The following ANO5 variants were observed in gnomAD, a reference collection of about 807,000 sequenced individuals.
ANO5 encodes the protein anoctamin-5.
Under a neutral mutation model 121.0 loss-of-function variants are expected in ANO5, and 109 were observed. The ratio of observed to expected loss-of-function variants is 0.90; its 90% CI spans 0.77 to 1.06. The LOEUF (loss-of-function observed/expected upper bound fraction) is 1.06, where lower values mean the gene tolerates loss of function less well. Among genes scored for constraint, ANO5 ranks in the 50% least tolerant of loss-of-function variants. The pLI, the probability that ANO5 is intolerant of heterozygous loss-of-function variation, is 0.00. For synonymous variants in ANO5, 406 were observed against 359.9 expected, an observed-to-expected ratio of 1.13 and a Z score of -1.45; for missense variants, 1,064 against 1,078.5, an observed-to-expected ratio of 0.99 and a Z score of 0.19.
chr11:22,214,605 A>G (rs2133564385), intron 3 of ANO5, among the ~76,000 whole-genome samples: 1 of 152,108 alleles, frequency 6.6e-6, no homozygotes, highest in South Asian at 2.1e-4. Flanking sequence ...GGAAGAACTC[A>G]TATACTATAG....
intron 3 of ANO5, 69 bp from the exon 4 acceptor site, chr11:22,218,177 G>T: frequency 6.4e-7 from 1 of 1,557,660 alleles, no homozygotes; most frequent in Non-Finnish European, 8.8e-7. Flanking sequence ...GTTTGTCTTT[G>T]TCTTTTTTTT....
At position 22,236,248 on chromosome 11, in the gene ANO5, C is replaced by G. The variant is rs764840472; in HGVS notation, c.734C>G (p.Thr245Ser). 9 of 1,612,936 alleles carry G rather than the reference C, an allele frequency of 5.6e-6. No homozygotes were observed. The South Asian group carries it at 9.9e-5, about 18-fold the overall frequency. ...ATTGAAAGACTGCTAAACTCTAACACTTACTCATCTGCCTATCCACTCCAT... is the reference window on the plus strand; with the variant it reads ...ATTGAAAGACTGCTAAACTCTAACAGTTACTCATCTGCCTATCCACTCCAT... ...FGIERLLNSN[T>S]YSSAYPLHDG... The change falls in exon 8 of 22, where the codon ACT becomes AGT. Residue 245 changes from threonine (T) to serine (S), a missense_variant. Transcript: ENST00000324559.
rs187609417 is a variant in ANO5, at chr11:22,241,716, T to G, written c.878+2032T>G. ...TTGAGAAGTGTCTCTTCATGTCCTTTGCCAATTATTTATTGGGGTTATTTG... is the reference window on the plus strand; with the variant it reads ...TTGAGAAGTGTCTCTTCATGTCCTTGGCCAATTATTTATTGGGGTTATTTG... On this transcript the variant is annotated intron_variant, in intron 9 of 21. Coordinates refer to ENST00000324559, the MANE Select transcript of ANO5 (RefSeq NM_213599.3). 1.9e-3 allele frequency among the ~76,000 whole-genome samples: 290 copies of G among 152,190 alleles called. 4 individuals are homozygous for G. The highest frequency in any genetic ancestry group is 0.016 in the Admixed American group (246 of 15,256).
intron 5 of ANO5, among the ~76,000 whole-genome samples, chr11:22,224,043 G>A (rs1852745437): frequency 6.6e-6 from 1 of 151,688 alleles, no homozygotes. Context: ...CTTTTCTATT[G>A]TGTATGTTCT....
rs1305057394 is a variant in ANO5 at position 22,280,825 on chromosome 11, A to G, written c.*1060A>G. 1 of 151,986 alleles carries G rather than the reference A, an allele frequency of 6.6e-6. No individual in the cohort carries two copies. The highest frequency in any genetic ancestry group is 1.5e-5 in the Non-Finnish European group (1 of 67,876). 9.4% of individuals were successfully genotyped at this position (151,986 alleles called of 1,614,324 possible). A position where few individuals can be genotyped will look rare whatever the true frequency, so the allele number is the denominator to read the frequency against. On this transcript the variant is annotated 3_prime_UTR_variant, in exon 22 of 22. Transcript: ENST00000324559. ...CTTGTTCCAATACCTCTGACACACA[A>G]GAAGTCATGTTGTTAGCTAGTGATT...
intron 14 of ANO5, 69 bp from the exon 15 acceptor site, chr11:22,259,448 AAT>A (rs1854113891): frequency 7.1e-7 from 1 of 1,409,074 alleles, no homozygotes; most frequent in South Asian, 1.2e-5. Flanking sequence ...CAGAATAATC[AAT>A]ATGTTAGATA....
intron 9 of ANO5, among the ~76,000 whole-genome samples, chr11:22,244,474 C>A (rs545815814): frequency 6.6e-6 from 1 of 152,008 alleles, no homozygotes. Context: ...AGACTATATC[C>A]TCAAGCACTT....
Position 22,274,751 on chromosome 11 carries a change from A to ATTTG in ANO5, c.2414+20_2414+23dup, listed in dbSNP as rs745502810. The ATTTG allele has an allele frequency of 1.2e-5, 20 of 1,612,674 alleles. No homozygotes were observed. Among genetic ancestry groups the ATTTG allele is most frequent in the South Asian group, 5.5e-5 (5 of 91,056 alleles). On this transcript the variant is annotated splice_donor_region_variant and intron_variant, in intron 20 of 21. Coordinates refer to ENST00000324559, the MANE Select transcript of ANO5 (RefSeq NM_213599.3). ...AACGAGACTTCATCACTTGCAGGTG[A>ATTTG]TTTGTTTGTTTGTTTGTTTAGGTTT...
At chr11:22,223,304 G>A (rs1193546046) in intron 5 of ANO5, among the ~76,000 whole-genome samples, 1 of 152,048 alleles carries the variant, frequency 6.6e-6, no homozygotes, top group African/African-American at 2.4e-5. Context: ...ACAAAGTCTG[G>A]AGGAAACCAG....
intron 17 of ANO5, among the ~76,000 whole-genome samples, chr11:22,263,333 C>G (rs1322948579): frequency 6.6e-6 from 1 of 152,050 alleles, no homozygotes; most frequent in Non-Finnish European, 1.5e-5. Context: ...TGAACACAAT[C>G]TTTTAAATAT....
intron 5 of ANO5, among the ~76,000 whole-genome samples, chr11:22,224,341 T>C (rs987828631): frequency 2.0e-5 from 3 of 152,064 alleles, no homozygotes; most frequent in African/African-American, 7.2e-5. Context: ...CTGTTCTGTA[T>C]CTCATACCTT....
At position 22,269,294 on chromosome 11, in the gene ANO5, G is replaced by T. The variant is rs540770314; in HGVS notation, c.1899-1018G>T. On this transcript the variant is annotated intron_variant, in intron 17 of 21. Transcript: ENST00000324559. ...AAGGGAAGGGAAGAGAAGGGAAGAA[G>T]GAAAGAAGAAAGGAAGGAAGGAAGG... Among the ~76,000 whole-genome samples the T allele has an allele frequency of 1.4e-3, 53 of 37,286 alleles. 1 individual carries two copies. The highest frequency in any genetic ancestry group is 2.2e-3 in the Non-Finnish European group (46 of 20,576). 24.5% of individuals were successfully genotyped at this position (37,286 alleles called of 152,430 possible).
chr11:22,277,809 G>T (rs1854923616), intron 21 of ANO5: 1 of 151,226 alleles, frequency 6.6e-6, no homozygotes, highest in African/African-American at 2.4e-5. Context: ...ATCATCCTGG[G>T]ACTTCTCTTC....
intron 17 of ANO5, among the ~76,000 whole-genome samples, chr11:22,269,652 C>G (rs1854538146): frequency 6.6e-6 from 1 of 151,734 alleles, no homozygotes; most frequent in Non-Finnish European, 1.5e-5. Flanking sequence ...TAATTTTTTT[C>G]TATTTCTACT....
intron 2 of ANO5, among the ~76,000 whole-genome samples, chr11:22,205,145 A>G (rs185409689): frequency 6.6e-6 from 1 of 152,122 alleles, no homozygotes; most frequent in Non-Finnish European, 1.5e-5. Flanking sequence ...GAGATAAATT[A>G]TCAGAACACA....
intron 9 of ANO5, among the ~76,000 whole-genome samples, chr11:22,249,587 G>T (rs1590281665): frequency 6.6e-6 from 1 of 152,066 alleles, no homozygotes; most frequent in African/African-American, 2.4e-5. Flanking sequence ...TTGGTTGTGA[G>T]AATTAAAATG....
At chr11:22,261,359 C>T (rs1854181773) in intron 15 of ANO5, 1 of 152,246 alleles carries the variant, frequency 6.6e-6, no homozygotes, top group South Asian at 2.1e-4. Context: ...AAGTGCCACA[C>T]TTTAAAACCA....
At position 22,281,270 on chromosome 11, in the gene ANO5, T is replaced by C. The variant is rs1855065467; in HGVS notation, c.*1505T>C. The C allele has an allele frequency of 1.3e-5, 2 of 152,056 alleles. No individual in the cohort carries two copies. Among genetic ancestry groups the C allele is most frequent in the Non-Finnish European group, 2.9e-5 (2 of 67,916 alleles). The allele number at this position is 152,056 out of a possible 1,614,324, so 9.4% of individuals were successfully genotyped here. A position where few individuals can be genotyped will look rare whatever the true frequency, so the allele number is the denominator to read the frequency against. On this transcript the variant is annotated 3_prime_UTR_variant, in exon 22 of 22. Coordinates refer to ENST00000324559, the MANE Select transcript of ANO5 (RefSeq NM_213599.3). ...CTAATATTTCATTATCTAATGCTAA[T>C]AAATTATTGTGGTACTGCCAGTATT...
At chr11:22,267,716 G>A (rs1268506002) in intron 17 of ANO5, among the ~76,000 whole-genome samples, 4 of 151,904 alleles carry the variant, frequency 2.6e-5, no homozygotes. Context: ...TATCATCCAG[G>A]TATTAAATCT....
Sources: gnomAD v4.1 joint callset for allele counts (sites outside exome capture counted in the v4.1 genomes callset) on GRCh38, gnomAD v4.1.1 for gene constraint, MANE v1.5 for transcripts, NCBI Gene and HGNC (gene_info 2026-07-23, HGNC 2026-07-21) for gene names.